Variants in GABBR2 observed in about 807,000 individuals in gnomAD.
GABBR2 encodes the protein G-protein coupled receptor 51.
GABBR2 carries 23 observed loss-of-function variants against 105.6 expected under a neutral mutation model. The observed-to-expected ratio is 0.22, with a 90% confidence interval of 0.16 to 0.31. The LOEUF is 0.31. GABBR2 is among the 10% of genes least tolerant of loss of function. The pLI, the probability that GABBR2 is intolerant of heterozygous loss-of-function variation, is 1.00. For missense variants in GABBR2, 734 were observed against 1,245.5 expected (o/e 0.59, Z 6.18); for synonymous variants, 478 against 499.7 (o/e 0.96, Z 0.58).
chr9:98,643,741 C>T (rs959527640), intron 1 of GABBR2, among the ~76,000 whole-genome samples: 21 of 152,356 alleles, frequency 1.4e-4, no homozygotes, highest in African/African-American at 5.0e-4. Context: ...ATGGGCACAG[C>T]CCCCAGTAGG....
At chr9:98,299,046 G>A (rs1417944283) in intron 17 of GABBR2, among the ~76,000 whole-genome samples, 178 bp downstream of exon 17, 5 of 152,300 alleles carry the variant, frequency 3.3e-5, no homozygotes, top group Middle Eastern at 3.4e-3. Flanking sequence ...GGCTCAAAGC[G>A]GACACTGAAC....
At chr9:98,690,509 G>A (rs1039897345) in intron 1 of GABBR2, among the ~76,000 whole-genome samples, 16 of 152,184 alleles carry the variant, frequency 1.1e-4, no homozygotes, top group African/African-American at 3.6e-4. Flanking sequence ...CAAATGTGTA[G>A]AGAAGGAATA....
chr9:98,562,586 AGC>A (rs1244603345), intron 2 of GABBR2, among the ~76,000 whole-genome samples: 1 of 152,116 alleles, frequency 6.6e-6, no homozygotes, highest in Non-Finnish European at 1.5e-5. Flanking sequence ...TGACTGTGTG[AGC>A]GTGTGTGTGG....
At chr9:98,696,519 C>T (rs1005516000) in intron 1 of GABBR2, among the ~76,000 whole-genome samples, 7 of 152,312 alleles carry the variant, frequency 4.6e-5, no homozygotes, top group Non-Finnish European at 8.8e-5. Context: ...TGCCCATCCA[C>T]ACCATCACAC....
intron 3 of GABBR2, among the ~76,000 whole-genome samples, chr9:98,500,651 G>T (rs1215392934): frequency 6.6e-6 from 1 of 152,228 alleles, no homozygotes; most frequent in East Asian, 1.9e-4. Flanking sequence ...GAATGGATGG[G>T]TCAGAGCCCC....
At chr9:98,403,509 C>T (rs542336571) in intron 8 of GABBR2, among the ~76,000 whole-genome samples, 17 of 152,120 alleles carry the variant, frequency 1.1e-4, no homozygotes, top group African/African-American at 3.1e-4. Context: ...AGACACTACT[C>T]ATCCCTGGAC....
intron 2 of GABBR2, chr9:98,555,688 G>A (rs1231623158): frequency 6.6e-6 from 1 of 152,198 alleles, no homozygotes; most frequent in Non-Finnish European, 1.5e-5. Flanking sequence ...ATGTCAATAT[G>A]GCACCTCTGA....
intron 13 of GABBR2, among the ~76,000 whole-genome samples, chr9:98,314,688 C>A (rs923136017): frequency 2.0e-5 from 3 of 152,156 alleles, no homozygotes; most frequent in African/African-American, 7.2e-5. Context: ...GCTCATCTCT[C>A]CCCTGGGGTT....
intron 3 of GABBR2, among the ~76,000 whole-genome samples, chr9:98,504,839 G>A (rs1333671170): frequency 2.0e-5 from 3 of 152,208 alleles, no homozygotes; most frequent in Non-Finnish European, 4.4e-5. Flanking sequence ...AGGATAAACA[G>A]GCATTTGAAA....
At chr9:98,490,985 T>G (rs922216367) in intron 4 of GABBR2, among the ~76,000 whole-genome samples, 46 of 151,422 alleles carry the variant, frequency 3.0e-4, no homozygotes, top group African/African-American at 1.0e-3. Context: ...TCCGTTCCTC[T>G]GTGCTCTTGC....
intron 7 of GABBR2, among the ~76,000 whole-genome samples, chr9:98,431,932 G>C (rs550940303): frequency 1.9e-4 from 29 of 151,972 alleles, no homozygotes; most frequent in African/African-American, 6.8e-4. Context: ...GTCTCGTTCT[G>C]CTGCCCAGGC....
intron 1 of GABBR2, among the ~76,000 whole-genome samples, chr9:98,662,109 T>C (rs992854405): frequency 3.9e-5 from 6 of 152,202 alleles, no homozygotes; most frequent in African/African-American, 1.4e-4. Flanking sequence ...ATACAAATCT[T>C]AGAATCTCAG....
chr9:98,582,473 G>A (rs890659600), intron 1 of GABBR2, among the ~76,000 whole-genome samples: 4 of 152,174 alleles, frequency 2.6e-5, no homozygotes, highest in Admixed American at 6.5e-5. Context: ...ATGAAGCCCT[G>A]AGCAAGGGAC....
chr9:98,422,195 C>T (rs1588152152), intron 7 of GABBR2, among the ~76,000 whole-genome samples: 1 of 152,246 alleles, frequency 6.6e-6, no homozygotes, highest in East Asian at 1.9e-4. Flanking sequence ...AACCAGAAGA[C>T]AGTAGGCACA....
chr9:98,598,977 T>A (rs539208422), intron 1 of GABBR2, among the ~76,000 whole-genome samples: 18 of 152,350 alleles, frequency 1.2e-4, no homozygotes, highest in South Asian at 2.1e-4. Flanking sequence ...CTTAGCCCTC[T>A]GAAGTAGACC....
chr9:98,600,763 C>T (rs1237874967), intron 1 of GABBR2, among the ~76,000 whole-genome samples: 5 of 152,246 alleles, frequency 3.3e-5, no homozygotes, highest in South Asian at 2.1e-4. Flanking sequence ...AAGTCCCGTA[C>T]GTTCTACTCA....
chr9:98,360,988 T>C (rs988417131), intron 13 of GABBR2, among the ~76,000 whole-genome samples: 2 of 152,184 alleles, frequency 1.3e-5, no homozygotes, highest in Admixed American at 6.5e-5. Context: ...CCACAAACTC[T>C]GCCTGACTCA....
chr9:98,587,114 T>G (rs577042934), intron 1 of GABBR2, among the ~76,000 whole-genome samples: 1 of 152,340 alleles, frequency 6.6e-6, no homozygotes, highest in African/African-American at 2.4e-5. Flanking sequence ...GGGTATTTGA[T>G]ATCACATTTC....
chr9:98,491,985 G>A (rs1006430715), intron 4 of GABBR2, among the ~76,000 whole-genome samples: 64 of 152,154 alleles, frequency 4.2e-4, no homozygotes, highest in African/African-American at 1.4e-3. Flanking sequence ...CTGGAACATC[G>A]TGTGAGCCCC....
Sources: allele counts gnomAD v4.1 joint callset (sites outside exome capture counted in the v4.1 genomes callset), GRCh38; gene constraint gnomAD v4.1.1; transcripts MANE v1.5; gene names NCBI Gene and HGNC (gene_info 2026-07-23, HGNC 2026-07-21).